The following TUBB variants were observed in gnomAD, a reference collection of about 807,000 sequenced individuals.
The protein encoded by TUBB is tubulin beta class I, also known as tubulin beta chain.
A neutral mutation model predicts 35.1 loss-of-function variants in TUBB; 2 were observed. The observed-to-expected ratio is 0.06, with a 90% CI of 0.02 to 0.18. The LOEUF (loss-of-function observed/expected upper bound fraction) is 0.18, where lower values mean the gene tolerates loss of function less well. Ranked by LOEUF, TUBB falls within the 10% of genes least tolerant of loss-of-function variation. TUBB has a pLI of 1.00. For synonymous variants in TUBB, 205 were observed against 223.8 expected (o/e 0.92, Z 0.75); for missense variants, 50 against 599.4 (o/e 0.08, Z 9.57).
chr6:30,721,921 A>C, intron 1 of TUBB: 1 of 984,096 alleles, frequency 1.0e-6, no homozygotes, highest in Non-Finnish European at 1.2e-6. Context: ...GGATCCCTCC[A>C]GGTCAGGGGT....
chr6:30,722,419 G>C (rs182774753), intron 1 of TUBB, 118 bp from the exon 2 acceptor site: 1 of 722,404 alleles, frequency 1.4e-6, no homozygotes, highest in African/African-American at 1.8e-5. Flanking sequence ...CTCCAGCCTG[G>C]TGACAGAGCG....
chr6:30,721,365 C>T (rs1581659624), intron 1 of TUBB, among the ~76,000 whole-genome samples: 1 of 83,288 alleles, frequency 1.2e-5, no homozygotes, highest in South Asian at 3.6e-4. Context: ...TACAGTGTAG[C>T]GGGGGAGGGG....
rs921641401 is a variant in TUBB, at chr6:30,720,452, T to C, written c.-55T>C. 1 of 1,578,958 alleles carries C rather than the reference T, an allele frequency of 6.3e-7. No homozygotes were observed. The highest frequency in any genetic ancestry group is 1.3e-5 in the African/African-American group (1 of 74,336). On this transcript the variant is annotated 5_prime_UTR_variant, in exon 1 of 4. Coordinates refer to ENST00000327892, the MANE Select transcript of TUBB (RefSeq NM_178014.4). The stretch of plus-strand genomic sequence containing the variant: ...GCGACCTGCGGAGAAAAAAAATTAC[T>C]TATTTTCTTGCCCCATACATACCTT...
At chr6:30,721,718 T>C (rs1257552417) in intron 1 of TUBB, 1 of 984,880 alleles carries the variant, frequency 1.0e-6, no homozygotes, top group African/African-American at 1.8e-5. Context: ...CGAAGTGTGG[T>C]CGACCTCCAT....
At chr6:30,722,677 C>T (rs772909378) in intron 2 of TUBB, 32 bp downstream of exon 2, 1 of 1,551,144 alleles carries the variant, frequency 6.4e-7, no homozygotes, top group South Asian at 1.1e-5. Flanking sequence ...GCTCAGGTTC[C>T]CTTCCCTGTC....
At chr6:30,722,752 A>T (rs1776373640) in intron 2 of TUBB, 107 bp downstream of exon 2, 2 of 1,182,702 alleles carry the variant, frequency 1.7e-6, no homozygotes, top group African/African-American at 1.5e-5. Context: ...TGAATCTGTC[A>T]TTTTGTCCCT....
At position 30,724,880 on chromosome 6, in the gene TUBB, A is replaced by G. The variant is rs921663708; in HGVS notation, c.*483A>G. ...TGGAGAGGGAAATCCAGGCTATTAAAGTCACTAAATTTCTAAGTATGTCCA... is the reference window on the plus strand; with the variant it reads ...TGGAGAGGGAAATCCAGGCTATTAAGGTCACTAAATTTCTAAGTATGTCCA... On this transcript the variant is annotated 3_prime_UTR_variant, in exon 4 of 4. Transcript: ENST00000327892. This position sits in a 1 kb window ranked among gnomAD's most constrained non-coding sequence, Gnocchi z 4.4. 6.3e-6 allele frequency: 1 copy of G among 159,930 alleles called. No homozygotes were observed. The highest frequency in any genetic ancestry group is 2.4e-5 in the African/African-American group (1 of 41,594). 9.9% of individuals were successfully genotyped at this position (159,930 alleles called of 1,614,324 possible). A position where few individuals can be genotyped will look rare whatever the true frequency, so the allele number is the denominator to read the frequency against.
intron 1 of TUBB, chr6:30,721,448 C>G (rs1776236365): frequency 2.2e-5 from 14 of 638,172 alleles, no homozygotes; most frequent in Non-Finnish European, 2.7e-5. Flanking sequence ...GCGCCGTGGG[C>G]GCGCGGGGAC....
chr6:30,723,095 A>C (rs1776405785), intron 3 of TUBB, 67 bp downstream of exon 3: 2 of 1,314,694 alleles, frequency 1.5e-6, no homozygotes, highest in African/African-American at 1.5e-5. Context: ...GTGCAAGGAC[A>C]CAGCAAAAGT....
intron 1 of TUBB, chr6:30,721,918 T>G: frequency 2.0e-6 from 2 of 982,956 alleles, no homozygotes; most frequent in Non-Finnish European, 2.4e-6. Context: ...TTGGGATCCC[T>G]CCAGGTCAGG....
At position 30,720,433 on chromosome 6, in the gene TUBB, T is replaced by G; in HGVS notation, c.-74T>G. 6.7e-7 allele frequency: 1 copy of G among 1,495,358 alleles called. No homozygotes were observed. Among genetic ancestry groups the G allele is most frequent in the Non-Finnish European group, 9.3e-7 (1 of 1,073,664 alleles). 92.6% of individuals were successfully genotyped at this position (1,495,358 alleles called of 1,614,324 possible). On this transcript the variant is annotated 5_prime_UTR_variant, in exon 1 of 4. Transcript: ENST00000327892. Reference sequence around the variant, plus strand: ...CATTCCAACCTTCCAGCCTGCGACCTGCGGAGAAAAAAAATTACTTATTTT... The same window carrying G: ...CATTCCAACCTTCCAGCCTGCGACCGGCGGAGAAAAAAAATTACTTATTTT...
intron 1 of TUBB, chr6:30,721,493 C>G (rs1219711252): frequency 2.1e-6 from 2 of 959,234 alleles, no homozygotes; most frequent in African/African-American, 3.5e-5. Context: ...GGCGCGCTAC[C>G]TTGGGCCCCG....
chr6:30,722,518 C>T lies in TUBB; in HGVS notation c.58-19C>T, dbSNP rs759623871. On this transcript the variant is annotated intron_variant, in intron 1 of 3. Transcript: ENST00000327892. ...GCTGGGACTTGACCTGTTGTGGTCT[C>T]GTTGCTCCCCCTCGGCAGTTCTGGG... The T allele has an allele frequency of 1.5e-5, 24 of 1,587,138 alleles. No individual in the cohort carries two copies. In the South Asian group the frequency reaches 2.7e-4, roughly 18 times the overall value.
Position 30,724,262 on chromosome 6 carries a change from C to G in TUBB, c.1200C>G (p.Gly400=), listed in dbSNP as rs139901632. ...RRKAFLHWYT[G]EGMDEMEFTE... ...AGGCCTTCCTCCACTGGTACACAGG[C>G]GAGGGCATGGACGAGATGGAGTTCA... is the stretch of plus-strand genomic sequence containing the variant. The change falls in exon 4 of 4, where the codon GGC becomes GGG. Residue 400 remains glycine (G), a synonymous_variant. Coordinates refer to ENST00000327892, the MANE Select transcript of TUBB (RefSeq NM_178014.4). The surrounding 1 kb of genome is among the most constrained non-coding windows in gnomAD (Gnocchi z 4.4). 1 of 1,613,656 alleles carries G rather than the reference C, an allele frequency of 6.2e-7. No homozygotes were observed. The highest frequency in any genetic ancestry group is 1.3e-5 in the African/African-American group (1 of 74,914).
intron 1 of TUBB, chr6:30,721,912 G>C: frequency 1.0e-6 from 1 of 985,222 alleles, no homozygotes; most frequent in Non-Finnish European, 1.2e-6. Context: ...GGCGAATTGG[G>C]ATCCCTCCAG....
Position 30,724,115 on chromosome 6 carries a change from A to G in TUBB, c.1053A>G (p.Thr351=), listed in dbSNP as rs1776463836. The change falls in exon 4 of 4, where the codon ACA becomes ACG. Residue 351 remains threonine, a synonymous_variant. Transcript: ENST00000327892. The surrounding 1 kb of genome is among the most constrained non-coding windows in gnomAD (Gnocchi z 4.4). Reference sequence around the variant, plus strand: ...AATGGATCCCCAACAATGTCAAGACAGCCGTCTGTGACATCCCACCTCGTG... The same window carrying G: ...AATGGATCCCCAACAATGTCAAGACGGCCGTCTGTGACATCCCACCTCGTG... The part of the protein sequence containing the change: ...FVEWIPNNVK[T]AVCDIPPRGL... The G allele has an allele frequency of 6.2e-7, 1 of 1,614,060 alleles. No individual in the cohort carries two copies. The highest frequency in any genetic ancestry group is 1.3e-5 in the African/African-American group (1 of 74,942).
intron 1 of TUBB, chr6:30,722,307 T>C (rs536417637): frequency 6.0e-6 from 3 of 503,920 alleles, no homozygotes; most frequent in South Asian, 4.8e-5. Flanking sequence ...GCTGGGCGTG[T>C]TGGTGCGCGC....
At chr6:30,721,967 C>T in intron 1 of TUBB, 1 of 871,616 alleles carries the variant, frequency 1.1e-6, no homozygotes, top group Non-Finnish European at 1.4e-6. Context: ...GAGACCCTCC[C>T]CCATGCCACG....
intron 1 of TUBB, chr6:30,721,616 C>A: frequency 1.0e-6 from 1 of 985,400 alleles, no homozygotes; most frequent in Non-Finnish European, 1.2e-6. Context: ...GGGTGGTCGA[C>A]TGCGGCGGCA....
Sources: gnomAD v4.1 joint callset for allele counts (sites outside exome capture counted in the v4.1 genomes callset) on GRCh38, gnomAD v4.1.1 for gene constraint, Gnocchi (gnomAD v3.1) non-coding constraint, MANE v1.5 for transcripts, NCBI Gene and HGNC (gene_info 2026-07-23, HGNC 2026-07-21) for gene names.